KLHL5: variants seen among roughly 807,000 people sequenced by gnomAD.
KLHL5 encodes kelch like family member 5.
In KLHL5, 48 loss-of-function variants were observed where a neutral mutation model predicts 77.7. The observed-to-expected ratio is 0.62, with a 90% CI of 0.49 to 0.79. KLHL5 has a LOEUF of 0.79. Ranked by LOEUF, KLHL5 falls within the 30% of genes least tolerant of loss-of-function variation. The pLI, the probability that KLHL5 is intolerant of heterozygous loss-of-function variation, is 0.00. For synonymous variants in KLHL5, 260 were observed against 297.0 expected, an observed-to-expected ratio of 0.88 and a Z score of 1.28; for missense variants, 723 against 859.7, an observed-to-expected ratio of 0.84 and a Z score of 1.99.
At chr4:39,115,434 C>A in intron 10 of KLHL5, 104 bp downstream of exon 10, 1 of 1,552,246 alleles carries the variant, frequency 6.4e-7, no homozygotes, top group Non-Finnish European at 8.7e-7. Flanking sequence ...AAATATATGG[C>A]ATAAATATGA....
At chr4:39,075,134 C>T (rs1718888019) in intron 1 of KLHL5, among the ~76,000 whole-genome samples, 1 of 152,026 alleles carries the variant, frequency 6.6e-6, no homozygotes, top group Non-Finnish European at 1.5e-5. Flanking sequence ...GAGTTCGAGA[C>T]CAGCCTGACC....
chr4:39,100,201 T>C (rs984748349), intron 6 of KLHL5, among the ~76,000 whole-genome samples: 1 of 152,174 alleles, frequency 6.6e-6, no homozygotes, highest in African/African-American at 2.4e-5. Context: ...GAGTTCCTGC[T>C]TCCCATCAAG....
chr4:39,130,636 G>A (rs1560451200), downstream of KLHL5, among the ~76,000 whole-genome samples: 1 of 152,110 alleles, frequency 6.6e-6, no homozygotes, highest in African/African-American at 2.4e-5. Flanking sequence ...CAGAACCCAG[G>A]TGATTCTAAT....
At chr4:39,112,792 G>T in intron 8 of KLHL5, 1 of 471,896 alleles carries the variant, frequency 2.1e-6, no homozygotes, top group Non-Finnish European at 3.8e-6. Flanking sequence ...AGTTGTCACT[G>T]CCTTCATGTG....
chr4:39,092,060 G>A (rs1168767178), intron 5 of KLHL5, among the ~76,000 whole-genome samples: 2 of 152,018 alleles, frequency 1.3e-5, no homozygotes, highest in South Asian at 4.2e-4. Context: ...GACAGTTTTA[G>A]AGCAATAGTC....
rs557327069 is a variant in KLHL5, at chr4:39,048,362, T to C, written c.-95+3266T>C. ...ATACAAAATGATACCATTCTGAAAA[T>C]AGAGGGCCAGAGCTGTTCATTGCTT... is the stretch of plus-strand genomic sequence containing the variant. On this transcript the variant is annotated intron_variant, in intron 1 of 11. Transcript: ENST00000261425. Among the ~76,000 whole-genome samples the C allele has an allele frequency of 1.6e-4, 25 of 152,290 alleles. No homozygotes were observed. The South Asian group carries it at 5.0e-3, about 30-fold the overall frequency.
chr4:39,052,917 G>A (rs992491822), intron 1 of KLHL5, among the ~76,000 whole-genome samples: 6 of 152,142 alleles, frequency 3.9e-5, no homozygotes. Flanking sequence ...TTAATCTAAT[G>A]CATGATTAAC....
chr4:39,096,836 G>C lies in KLHL5; in HGVS notation c.1258G>C (p.Val420Leu). The C allele has an allele frequency of 6.2e-7, 1 of 1,613,922 alleles. No homozygotes were observed. Among genetic ancestry groups the C allele is most frequent in the Non-Finnish European group, 8.5e-7 (1 of 1,179,864 alleles). ...SPRTKPRKST[V>L]GTLFAVGGMD... is the part of the protein sequence containing the mutation. Reference sequence around the variant, plus strand: ...TCGGACAAAACCTAGGAAGTCAACTGTTGGTACATTATTTGCAGTTGGGGG... The same window carrying C: ...TCGGACAAAACCTAGGAAGTCAACTCTTGGTACATTATTTGCAGTTGGGGG... The change falls in exon 6 of 11, where the codon GTT (valine) becomes CTT (leucine). Residue 420 changes from valine to leucine, a missense_variant. Physicochemically the swap from Val to Leu is conservative, Grantham distance 32. Transcript: ENST00000504108.
chr4:39,128,970 A>G (rs746959897), downstream of KLHL5, among the ~76,000 whole-genome samples: 2 of 151,940 alleles, frequency 1.3e-5, no homozygotes, highest in Non-Finnish European at 2.9e-5. Flanking sequence ...AAAATAAAAT[A>G]AAATATATGG....
At chr4:39,082,659 T>TC (rs1433838297) in intron 4 of KLHL5, among the ~76,000 whole-genome samples, 7 of 152,216 alleles carry the variant, frequency 4.6e-5, no homozygotes, top group African/African-American at 1.4e-4. Flanking sequence ...GCTCAATAAA[T>TC]CATAGAAGAG....
chr4:39,081,352 T>A lies in KLHL5; in HGVS notation c.703+113T>A. 2.5e-6 allele frequency: 2 copies of A among 795,492 alleles called. No homozygotes were observed. Among genetic ancestry groups the A allele is most frequent in the East Asian group, 2.9e-5 (1 of 34,522 alleles). 49.3% of individuals were successfully genotyped at this position (795,492 alleles called of 1,614,324 possible). ...TAGCTAACAGTTAGTTCTGCTATTG[T>A]CATTACTACCCTTTGTATTTAACCT... is the stretch of plus-strand genomic sequence containing the variant. On this transcript the variant is annotated intron_variant, in intron 3 of 10. Coordinates refer to ENST00000504108, the MANE Select transcript of KLHL5 (RefSeq NM_015990.5). The surrounding 1 kb of genome is among the most constrained non-coding windows in gnomAD (Gnocchi z 4.3).
intron 1 of KLHL5, among the ~76,000 whole-genome samples, chr4:39,072,475 C>T (rs1020326867): frequency 2.0e-5 from 3 of 152,158 alleles, no homozygotes; most frequent in African/African-American, 7.2e-5. Context: ...CAGCACTGCA[C>T]AATGGAACTT....
chr4:39,068,195 T>C (rs2109312186), intron 1 of KLHL5, among the ~76,000 whole-genome samples: 1 of 152,298 alleles, frequency 6.6e-6, no homozygotes, highest in East Asian at 1.9e-4. Context: ...TTCTTGACCT[T>C]CTTTATGTTG....
chr4:39,094,643 A>G (rs1187266764), intron 5 of KLHL5, among the ~76,000 whole-genome samples: 1 of 151,922 alleles, frequency 6.6e-6, no homozygotes, highest in Non-Finnish European at 1.5e-5. Context: ...TAGAAATAGG[A>G]ATAGACAAAT....
Position 39,082,162 on chromosome 4 carries a change from A to G in KLHL5, c.900+3A>G. On this transcript the variant is annotated splice_donor_region_variant and intron_variant, in intron 4 of 10. Coordinates refer to ENST00000504108, the MANE Select transcript of KLHL5 (RefSeq NM_015990.5). ...AAGTGGCTCACAATTATACTATGGTATGTATTTTTTGAAGGTGAGAAAGTC... is the reference window on the plus strand; with the variant it reads ...AAGTGGCTCACAATTATACTATGGTGTGTATTTTTTGAAGGTGAGAAAGTC... The G allele has an allele frequency of 6.4e-7, 1 of 1,572,420 alleles. No individual in the cohort carries two copies. The highest frequency in any genetic ancestry group is 1.2e-5 in the South Asian group (1 of 85,094).
At position 39,124,802 on chromosome 4, in the gene KLHL5, C is replaced by CAAAAA. The variant is rs71643268; in HGVS notation, c.*3756_*3760dup. On this transcript the variant is annotated 3_prime_UTR_variant, in exon 11 of 11. Transcript: ENST00000504108. ...GCACCAAAAGCACAAGCAACAACAG[C>CAAAAA]AAAAAAAAAAAAAAAAAAAAAAAAT... is the stretch of plus-strand genomic sequence containing the variant. Among the ~76,000 whole-genome samples, 3,384 of 43,750 alleles carry CAAAAA rather than the reference C, an allele frequency of 0.077. 225 individuals are homozygous for CAAAAA. The highest frequency in any genetic ancestry group is 0.12 in the Non-Finnish European group (2,627 of 22,402). 28.7% of individuals were successfully genotyped at this position (43,750 alleles called of 152,430 possible). A position where few individuals can be genotyped will look rare whatever the true frequency, so the allele number is the denominator to read the frequency against.
At chr4:39,118,705 A>C (rs1723019375) in intron 10 of KLHL5, among the ~76,000 whole-genome samples, 1 of 152,072 alleles carries the variant, frequency 6.6e-6, no homozygotes, top group Admixed American at 6.6e-5. Flanking sequence ...GCAGTAAGCC[A>C]AGATCACGCC....
intron 6 of KLHL5, among the ~76,000 whole-genome samples, chr4:39,102,468 A>C (rs376628431): frequency 4.6e-5 from 7 of 150,770 alleles, no homozygotes; most frequent in African/African-American, 1.7e-4. Flanking sequence ...TTCCCAAAGT[A>C]CCCGATCCGT....
intron 10 of KLHL5, chr4:39,116,140 G>C (rs1722820074): frequency 4.0e-6 from 2 of 500,184 alleles, no homozygotes; most frequent in Non-Finnish European, 5.2e-6. Context: ...AGACCAGCCT[G>C]ACCAATATGG....
Sources: allele counts gnomAD v4.1 joint callset (sites outside exome capture counted in the v4.1 genomes callset), GRCh38; gene constraint gnomAD v4.1.1; non-coding constraint Gnocchi (gnomAD v3.1); transcripts MANE v1.5; gene names NCBI Gene and HGNC (gene_info 2026-07-23, HGNC 2026-07-21).